The following CFDP1 variants were observed in gnomAD, a reference collection of about 807,000 sequenced individuals.
CFDP1 encodes chromatin remodeling protein CFDP1.
CFDP1 carries 31 observed loss-of-function variants against 40.1 expected under a neutral mutation model. That is an observed-to-expected ratio of 0.77 (90% CI 0.58 to 1.04). The LOEUF is 1.04. Ranked by LOEUF, CFDP1 falls within the 50% of genes least tolerant of loss-of-function variation. CFDP1 has a pLI of 0.00. For synonymous variants in CFDP1, 167 were observed against 120.0 expected (o/e 1.39, Z -2.56); for missense variants, 423 against 343.4 (o/e 1.23, Z -1.83).
intron 5 of CFDP1, among the ~76,000 whole-genome samples, chr16:75,314,893 C>T (rs1305635501): frequency 9.2e-5 from 14 of 151,978 alleles, no homozygotes; most frequent in Non-Finnish European, 2.9e-5. Flanking sequence ...CTGGGATTAC[C>T]GGCACCTGCC....
chr16:75,431,522 A>G (rs2079417430), intron 1 of CFDP1, among the ~76,000 whole-genome samples: 1 of 151,186 alleles, frequency 6.6e-6, no homozygotes, highest in African/African-American at 2.4e-5. Context: ...GGCGCCTGTA[A>G]TCCCACCTAC....
At chr16:75,398,552 G>A (rs755087605) in intron 4 of CFDP1, among the ~76,000 whole-genome samples, 25 of 152,126 alleles carry the variant, frequency 1.6e-4, no homozygotes, top group Non-Finnish European at 2.9e-4. Context: ...CACCTGGCAT[G>A]CTCTGTCTGT....
chr16:75,300,108 T>A lies in CFDP1; in HGVS notation c.809+4916A>T, dbSNP rs942473628. 1.3e-4 allele frequency among the ~76,000 whole-genome samples: 20 copies of A among 151,760 alleles called. 2 individuals are homozygous for A. The highest frequency in any genetic ancestry group is 1.1e-3 in the Admixed American group (17 of 15,222). ...TTAAATTACTGCTTCCGCTGCTGGG[T>A]GGAGAATGGATGAAAGGGTACAGAG... On this transcript the variant is annotated intron_variant, in intron 6 of 6. Transcript: ENST00000283882.
intron 4 of CFDP1, among the ~76,000 whole-genome samples, chr16:75,408,729 C>A (rs1289904575): frequency 6.6e-6 from 1 of 151,834 alleles, no homozygotes; most frequent in Non-Finnish European, 1.5e-5. Context: ...GAGCCGAGAT[C>A]ATGCCACTGT....
intron 1 of CFDP1, among the ~76,000 whole-genome samples, chr16:75,428,912 C>T (rs184882214): frequency 6.6e-6 from 1 of 151,690 alleles, no homozygotes; most frequent in South Asian, 2.1e-4. Context: ...GTCAGGAGTT[C>T]GAGACCAGGC....
At chr16:75,314,601 T>C (rs2078313305) in intron 5 of CFDP1, among the ~76,000 whole-genome samples, 1 of 152,152 alleles carries the variant, frequency 6.6e-6, no homozygotes. Flanking sequence ...CTAAAAGCCA[T>C]TTAATTATAG....
intron 4 of CFDP1, 107 bp downstream of exon 4, chr16:75,411,718 C>G (rs1288833583): frequency 1.7e-6 from 2 of 1,185,632 alleles, no homozygotes; most frequent in East Asian, 2.4e-5. Context: ...TATAACTCTC[C>G]CAAAATATTA....
chr16:75,345,728 G>C (rs369796158), intron 5 of CFDP1, among the ~76,000 whole-genome samples: 2 of 152,178 alleles, frequency 1.3e-5, no homozygotes, highest in South Asian at 4.1e-4. Flanking sequence ...CATGCCATGA[G>C]TTGTTAAACA....
chr16:75,419,846 C>G (rs2079256625), intron 1 of CFDP1, among the ~76,000 whole-genome samples: 1 of 152,114 alleles, frequency 6.6e-6, no homozygotes, highest in Non-Finnish European at 1.5e-5. Flanking sequence ...CAAGAAATAA[C>G]CATAAAAATG....
chr16:75,355,962 A>G (rs570726534), intron 5 of CFDP1, among the ~76,000 whole-genome samples: 1 of 152,338 alleles, frequency 6.6e-6, no homozygotes, highest in East Asian at 1.9e-4. Context: ...AGCTCTCTTG[A>G]TATTTCCATT....
intron 1 of CFDP1, among the ~76,000 whole-genome samples, chr16:75,428,098 T>C (rs1597410946): frequency 6.6e-6 from 1 of 150,552 alleles, no homozygotes. Flanking sequence ...TGAGGGAGAG[T>C]TGTTTGACTA....
In CFDP1 at chr16:75,367,430, T is replaced by TAAAA. The variant is rs35774804; in HGVS notation, c.650+27656_650+27659dup. Among the ~76,000 whole-genome samples, 3 of 120,046 alleles carry TAAAA rather than the reference T, an allele frequency of 2.5e-5. No homozygotes were observed. The Admixed American group carries it at 2.5e-4, about 10-fold the overall frequency. The allele number at this position is 120,046 out of a possible 152,430, so 78.8% of individuals were successfully genotyped here. On this transcript the variant is annotated intron_variant, in intron 5 of 6. Coordinates refer to ENST00000283882, the MANE Select transcript of CFDP1 (RefSeq NM_006324.3). ...ACATTCTGCACATGTACTCCAGAAC[T>TAAAA]AAAAAAAAAAAAAAAAAAATTGCTA...
chr16:75,418,408 G>A (rs995633466), intron 1 of CFDP1, among the ~76,000 whole-genome samples: 3 of 145,468 alleles, frequency 2.1e-5, no homozygotes, highest in African/African-American at 2.6e-5. Flanking sequence ...CGGGTTTTAC[G>A]CCATTCTCCT....
At chr16:75,398,480 CACA>C (rs2079017465) in intron 4 of CFDP1, among the ~76,000 whole-genome samples, 2 of 152,126 alleles carry the variant, frequency 1.3e-5, no homozygotes, top group African/African-American at 4.8e-5. Flanking sequence ...GTGGAAGTGG[CACA>C]ACATGACTTC....
intron 1 of CFDP1, among the ~76,000 whole-genome samples, chr16:75,416,390 G>C (rs924417381): frequency 2.8e-5 from 4 of 145,002 alleles, no homozygotes; most frequent in African/African-American, 1.0e-4. Flanking sequence ...ATAAAAATAA[G>C]ACTTTTAAAA....
chr16:75,332,805 T>C (rs1167025462), intron 5 of CFDP1, among the ~76,000 whole-genome samples: 3 of 151,184 alleles, frequency 2.0e-5, no homozygotes, highest in Non-Finnish European at 1.5e-5. Flanking sequence ...GTTCTTTTTT[T>C]TTTTTTCCTT....
At chr16:75,341,512 T>G (rs867119270) in intron 5 of CFDP1, among the ~76,000 whole-genome samples, 2 of 152,168 alleles carry the variant, frequency 1.3e-5, no homozygotes, top group African/African-American at 4.8e-5. Flanking sequence ...AAATAAGAGA[T>G]TGGCTAGATT....
intron 5 of CFDP1, among the ~76,000 whole-genome samples, chr16:75,380,321 C>T (rs2078842199): frequency 1.3e-5 from 2 of 151,966 alleles, no homozygotes; most frequent in African/African-American, 4.8e-5. Flanking sequence ...AAAGAATGGG[C>T]AACCTCCGGG....
intron 4 of CFDP1, among the ~76,000 whole-genome samples, chr16:75,401,300 C>T (rs909580045): frequency 2.6e-5 from 4 of 151,982 alleles, no homozygotes; most frequent in African/African-American, 7.2e-5. Context: ...TGGTGGCGAG[C>T]GCCTGTAGTC....
Sources: allele counts gnomAD v4.1 joint callset (sites outside exome capture counted in the v4.1 genomes callset), GRCh38; gene constraint gnomAD v4.1.1; transcripts MANE v1.5; gene names NCBI Gene and HGNC (gene_info 2026-07-23, HGNC 2026-07-21).